Variants in DDB2 observed in about 807,000 individuals in gnomAD.
The protein encoded by DDB2 is DNA damage-binding protein 2.
DDB2 carries 27 observed loss-of-function variants against 50.5 expected under a neutral mutation model. The ratio of observed to expected loss-of-function variants is 0.53; its 90% CI spans 0.39 to 0.74. The LOEUF (loss-of-function observed/expected upper bound fraction) is 0.74, where lower values mean the gene tolerates loss of function less well. Ranked by LOEUF, DDB2 falls within the 30% of genes least tolerant of loss-of-function variation. The pLI is 0.00. For synonymous variants in DDB2, 176 were observed against 205.5 expected, an observed-to-expected ratio of 0.86 and a Z score of 1.23; for missense variants, 424 against 545.6, an observed-to-expected ratio of 0.78 and a Z score of 2.22.
intron 1 of DDB2, chr11:47,215,928 CG>C: frequency 3.1e-6 from 1 of 320,448 alleles, no homozygotes; most frequent in Non-Finnish European, 6.0e-6. Flanking sequence ...TTTTCCTAAA[CG>C]GTGACTTCTG....
chr11:47,235,163 T>C, intron 6 of DDB2, 107 bp from the exon 7 acceptor site: 1 of 1,506,668 alleles, frequency 6.6e-7, no homozygotes. Flanking sequence ...TCCGCTCCTG[T>C]CTAGAGAGGA....
intron 3 of DDB2, among the ~76,000 whole-genome samples, chr11:47,228,380 C>T (rs1266263993): frequency 6.6e-6 from 1 of 151,770 alleles, no homozygotes; most frequent in Non-Finnish European, 1.5e-5. Context: ...GTGGCTCACT[C>T]CTGTAATCTC....
chr11:47,233,967 T>C (rs909204796), intron 4 of DDB2, among the ~76,000 whole-genome samples: 5 of 152,280 alleles, frequency 3.3e-5, no homozygotes, highest in African/African-American at 9.6e-5. Context: ...CAAAAGGCAG[T>C]GTAGCATGGA....
intron 3 of DDB2, among the ~76,000 whole-genome samples, chr11:47,217,825 AG>A (rs1953423711): frequency 6.6e-6 from 1 of 152,088 alleles, no homozygotes; most frequent in Admixed American, 6.6e-5. Context: ...CGGGAGGCGA[AG>A]GTTGCAGTGA....
Position 47,215,014 on chromosome 11 carries a change from T to C in DDB2, c.-123T>C, listed in dbSNP as rs565058800. The C allele has an allele frequency of 2.0e-6, 3 of 1,475,882 alleles. No homozygotes were observed. The highest frequency in any genetic ancestry group is 2.8e-6 in the Non-Finnish European group (3 of 1,060,834). The allele number at this position is 1,475,882 out of a possible 1,614,324, so 91.4% of individuals were successfully genotyped here. A position where few individuals can be genotyped will look rare whatever the true frequency, so the allele number is the denominator to read the frequency against. ...TGGGCATGTTTGGCGGGAAGTTGGC[T>C]TAGCTCGGCTACCTGTGGCCCCGCA... On this transcript the variant is annotated 5_prime_UTR_variant, in exon 1 of 10. Coordinates refer to ENST00000256996, the MANE Select transcript of DDB2 (RefSeq NM_000107.3).
intron 6 of DDB2, 29 bp from the exon 7 acceptor site, chr11:47,235,241 T>C: frequency 6.2e-7 from 1 of 1,614,210 alleles, no homozygotes; most frequent in East Asian, 2.2e-5. Context: ...TTGTGGTTCC[T>C]TCAGCTCAGG....
intron 1 of DDB2, 94 bp from the exon 2 acceptor site, chr11:47,216,242 C>T: frequency 1.9e-6 from 3 of 1,582,074 alleles, no homozygotes; most frequent in Non-Finnish European, 2.6e-6. Context: ...CAGAGATTAA[C>T]CGTGCCGAAT....
intron 2 of DDB2, 91 bp downstream of exon 2, chr11:47,216,563 A>C: frequency 1.3e-6 from 2 of 1,564,588 alleles, no homozygotes; most frequent in African/African-American, 1.3e-5. Context: ...TTGGTTCACC[A>C]GCTTGTCAGA....
In DDB2 at chr11:47,235,425, G is replaced by A. The variant is rs1248761206; in HGVS notation, c.1023+13G>A. 1 of 1,609,708 alleles carries A rather than the reference G, an allele frequency of 6.2e-7. No homozygotes were observed. The highest frequency in any genetic ancestry group is 1.7e-5 in the Admixed American group (1 of 59,966). Reference sequence around the variant, plus strand: ...CACACCCATCAAGGTGAGTGGCGGTGGGAAGGAGCTCGCAGAAGGAGGCTG... The same window carrying A: ...CACACCCATCAAGGTGAGTGGCGGTAGGAAGGAGCTCGCAGAAGGAGGCTG... On this transcript the variant is annotated intron_variant, in intron 7 of 9. Transcript: ENST00000256996.
rs1378313611 is a variant in DDB2, at chr11:47,239,027, G to A, written c.*178G>A. The stretch of plus-strand genomic sequence containing the variant: ...GGGACACTTTTATGTTAATGCTCTG[G>A]ACTTGCCTCCAGAGACTGCTCCAGA... On this transcript the variant is annotated 3_prime_UTR_variant, in exon 10 of 10. Coordinates refer to ENST00000256996, the MANE Select transcript of DDB2 (RefSeq NM_000107.3). 2 of 630,986 alleles carry A rather than the reference G, an allele frequency of 3.2e-6. No homozygotes were observed. The highest frequency in any genetic ancestry group is 5.6e-6 in the Non-Finnish European group (2 of 358,726). 39.1% of individuals were successfully genotyped at this position (630,986 alleles called of 1,614,324 possible).
chr11:47,214,828 C>A, upstream of DDB2: 1 of 452,194 alleles, frequency 2.2e-6, no homozygotes, highest in Non-Finnish European at 4.1e-6. Context: ...GGGAGGTCAG[C>A]TGACCCGGGC....
At position 47,232,767 on chromosome 11, in the gene DDB2, C is replaced by T. The variant is rs370448159; in HGVS notation, c.457-47C>T. 332 of 1,607,112 alleles carry T rather than the reference C, an allele frequency of 2.1e-4. 1 individual carries two copies. Among genetic ancestry groups the T allele is most frequent in the South Asian group, 2.9e-4 (26 of 90,892 alleles). The stretch of plus-strand genomic sequence containing the variant: ...ATGTGTGCCCAGGCCTGGTTCCTCA[C>T]GGCCAGGCCCATCATCACTCACTGG... On this transcript the variant is annotated intron_variant, in intron 3 of 9. Transcript: ENST00000256996.
chr11:47,235,342 C>T lies in DDB2; in HGVS notation c.953C>T (p.Ser318Phe), dbSNP rs779489467. ...AGCGAGATCCGAGTTTACTCTGCTT[C>T]CCAGTGGGACTGCCCCCTGGGCCTG... The part of the protein sequence containing the change: ...QKSEIRVYSA[S>F]QWDCPLGLIP... Residue 318 changes from serine (S) to phenylalanine (F), a missense_variant, in exon 7 of 10, where the codon TCC (serine) becomes TTC (phenylalanine). Coordinates refer to ENST00000256996, the MANE Select transcript of DDB2 (RefSeq NM_000107.3). The T allele has an allele frequency of 5.6e-6, 9 of 1,614,050 alleles. No individual in the cohort carries two copies. The highest frequency in any genetic ancestry group is 7.6e-6 in the Non-Finnish European group (9 of 1,180,054).
chr11:47,235,038 A>G, intron 6 of DDB2, 104 bp downstream of exon 6: 1 of 1,396,894 alleles, frequency 7.2e-7, no homozygotes, highest in Non-Finnish European at 1.0e-6. Context: ...TTTACCCCTG[A>G]TAGCGTCTGC....
At position 47,235,413 on chromosome 11, in the gene DDB2, G is replaced by T. The variant is rs756368274; in HGVS notation, c.1023+1G>T. On this transcript the variant is annotated splice_donor_variant, in intron 7 of 9. Transcript: ENST00000256996. LOFTEE classifies it high-confidence loss of function. ...CTTCCAGCACCTCACACCCATCAAG[G>T]TGAGTGGCGGTGGGAAGGAGCTCGC... 3.1e-6 allele frequency: 5 copies of T among 1,611,484 alleles called. No homozygotes were observed. Among genetic ancestry groups the T allele is most frequent in the East Asian group, 2.2e-5 (1 of 44,870 alleles).
intron 9 of DDB2, 110 bp from the exon 10 acceptor site, chr11:47,238,690 G>A (rs1207194851): frequency 9.0e-6 from 11 of 1,221,986 alleles, no homozygotes; most frequent in African/African-American, 4.5e-5. Context: ...GAGCCACCGC[G>A]CCCGGCCTTC....
chr11:47,218,889 A>C (rs1953441164), intron 3 of DDB2, among the ~76,000 whole-genome samples: 1 of 152,168 alleles, frequency 6.6e-6, no homozygotes, highest in African/African-American at 2.4e-5. Flanking sequence ...ATATATCTTG[A>C]GTTTTAAAAA....
At chr11:47,232,790 T>C (rs372523541) in intron 3 of DDB2, 24 bp from the exon 4 acceptor site, 2 of 1,612,776 alleles carry the variant, frequency 1.2e-6, no homozygotes, top group South Asian at 1.1e-5. Context: ...CATCACTCAC[T>C]GGCTTTTTCC....
At chr11:47,229,515 T>C (rs764751185) in intron 3 of DDB2, among the ~76,000 whole-genome samples, 4 of 151,442 alleles carry the variant, frequency 2.6e-5, no homozygotes, top group African/African-American at 7.3e-5. Flanking sequence ...ATTTGGGGAG[T>C]GTGTGGCAGC....
Sources: allele counts gnomAD v4.1 joint callset (sites outside exome capture counted in the v4.1 genomes callset), GRCh38; gene constraint gnomAD v4.1.1; transcripts MANE v1.5; gene names NCBI Gene and HGNC (gene_info 2026-07-23, HGNC 2026-07-21).